The following UBL7 variants were observed in gnomAD, a reference collection of about 807,000 sequenced individuals.
UBL7 encodes ubiquitin like 7.
In UBL7, 21 loss-of-function variants were observed where a neutral mutation model predicts 41.7. The ratio of observed to expected loss-of-function variants is 0.50; its 90% confidence interval spans 0.36 to 0.73. UBL7 has a LOEUF of 0.73. UBL7 is among the 30% of genes least tolerant of loss of function. UBL7 has a pLI of 0.00. For synonymous variants in UBL7, 157 were observed against 186.9 expected, an observed-to-expected ratio of 0.84 and a Z score of 1.31; for missense variants, 403 against 478.4, an observed-to-expected ratio of 0.84 and a Z score of 1.47.
chr15:74,454,661 G>A (rs1045374228), intron 3 of UBL7, among the ~76,000 whole-genome samples: 3 of 152,124 alleles, frequency 2.0e-5, no homozygotes, highest in Admixed American at 6.5e-5. Flanking sequence ...GCCTCCCAAA[G>A]TTCTGGGATT....
intron 1 of UBL7, among the ~76,000 whole-genome samples, chr15:74,459,683 G>A (rs887985066): frequency 6.6e-5 from 10 of 151,640 alleles, no homozygotes; most frequent in Non-Finnish European, 1.5e-4. Flanking sequence ...TTCCAATGTC[G>A]GGCTGGGCGC....
chr15:74,448,706 T>G, intron 9 of UBL7, 106 bp from the exon 10 acceptor site: 1 of 1,487,776 alleles, frequency 6.7e-7, no homozygotes. Context: ...GTACCCAACT[T>G]CTGCCTCCCA....
intron 4 of UBL7, among the ~76,000 whole-genome samples, chr15:74,451,843 A>G (rs182846550): frequency 5.5e-4 from 84 of 152,308 alleles, no homozygotes; most frequent in Admixed American, 1.2e-3. Context: ...CTAGGTTCCA[A>G]TCCAAAAGTC....
At chr15:74,459,932 C>CA (rs55846825) in intron 1 of UBL7, among the ~76,000 whole-genome samples, 1,112 of 18,246 alleles carry the variant, frequency 0.061, 318 homozygotes, top group Middle Eastern at 0.11. Flanking sequence ...GACTCTGTCG[C>CA]AAAAAAAAAA....
intron 5 of UBL7, 78 bp downstream of exon 5, chr15:74,451,358 C>T: frequency 1.6e-6 from 2 of 1,268,910 alleles, no homozygotes; most frequent in East Asian, 4.6e-5. Flanking sequence ...TAGTCCAAGT[C>T]TCTTTAGAGG....
Position 74,456,683 on chromosome 15 carries a change from A to G in UBL7, c.185-12T>C. The G allele has an allele frequency of 6.2e-7, 1 of 1,609,140 alleles. No homozygotes were observed. The highest frequency in any genetic ancestry group is 8.5e-7 in the Non-Finnish European group (1 of 1,176,478). The stretch of plus-strand genomic sequence containing the variant: ...ACAGTAGATCAGATCTAAAAAAAGA[A>G]CTGTCCACTTATATTTTGCTCCTCA... On this transcript the variant is annotated splice_polypyrimidine_tract_variant and intron_variant, in intron 2 of 10. Coordinates refer to ENST00000395081, the MANE Select transcript of UBL7 (RefSeq NM_032907.5).
intron 5 of UBL7, among the ~76,000 whole-genome samples, chr15:74,451,124 C>T (rs368071838): frequency 6.6e-6 from 1 of 152,186 alleles, no homozygotes. Context: ...CTCTTTCTCC[C>T]GTATCTCTGG....
chr15:74,452,191 T>G (rs2061253781), intron 4 of UBL7, 105 bp downstream of exon 4: 1 of 1,226,302 alleles, frequency 8.2e-7, no homozygotes, highest in Admixed American at 2.2e-5. Flanking sequence ...AAGGAACTCT[T>G]GGTTGCCATG....
intron 3 of UBL7, 34 bp from the exon 4 acceptor site, chr15:74,452,412 C>T (rs374732095): frequency 3.7e-5 from 57 of 1,547,996 alleles, no homozygotes; most frequent in African/African-American, 2.6e-4. Flanking sequence ...TACCCTATAG[C>T]GCAGGTCCTG....
chr15:74,453,281 T>C lies in UBL7; in HGVS notation c.305-903A>G, dbSNP rs564265865. On this transcript the variant is annotated intron_variant, in intron 3 of 10. Transcript: ENST00000395081. ...CCATGCCTGGCTTTAGGCAAGGAACTAGAATATGAAAAATAAGAACCCCTG... is the reference window on the plus strand; with the variant it reads ...CCATGCCTGGCTTTAGGCAAGGAACCAGAATATGAAAAATAAGAACCCCTG... Among the ~76,000 whole-genome samples, 12 of 152,230 alleles carry C rather than the reference T, an allele frequency of 7.9e-5. No individual in the cohort carries two copies. In the East Asian group the frequency reaches 2.1e-3, roughly 27 times the overall value.
intron 1 of UBL7, among the ~76,000 whole-genome samples, chr15:74,460,372 C>G (rs939621425): frequency 1.3e-5 from 2 of 152,112 alleles, no homozygotes; most frequent in African/African-American, 4.8e-5. Flanking sequence ...GAGCCCTACC[C>G]CTGCAAAGGA....
chr15:74,454,320 T>C (rs914930418), intron 3 of UBL7, among the ~76,000 whole-genome samples: 1 of 152,156 alleles, frequency 6.6e-6, no homozygotes, highest in Non-Finnish European at 1.5e-5. Flanking sequence ...TTTAAACAAG[T>C]TGGGTTTACT....
At chr15:74,450,164 C>T in intron 6 of UBL7, 95 bp from the exon 7 acceptor site, 1 of 1,387,964 alleles carries the variant, frequency 7.2e-7, no homozygotes, top group Non-Finnish European at 9.6e-7. Flanking sequence ...ACAATGCAGC[C>T]ACCTGTGCCT....
At position 74,449,608 on chromosome 15, in the gene UBL7, G is replaced by C. The variant is rs778077082; in HGVS notation, c.714+18C>G. 6.2e-7 allele frequency: 1 copy of C among 1,614,084 alleles called. No homozygotes were observed. Among genetic ancestry groups the C allele is most frequent in the East Asian group, 2.2e-5 (1 of 44,878 alleles). The stretch of plus-strand genomic sequence containing the variant: ...CCCCCACATGTCAGCATGTCAGGCA[G>C]GCAGGCAGGCCACTTACTGGGTGAA... On this transcript the variant is annotated intron_variant, in intron 8 of 10. Transcript: ENST00000395081.
chr15:74,450,413 G>A (rs2061232071), intron 6 of UBL7, among the ~76,000 whole-genome samples: 1 of 151,918 alleles, frequency 6.6e-6, no homozygotes. Flanking sequence ...CCCTGGACTG[G>A]TCCCTTCTCT....
At chr15:74,448,445 C>T (rs572470084) in intron 10 of UBL7, 33 bp downstream of exon 10, 2 of 1,611,576 alleles carry the variant, frequency 1.2e-6, no homozygotes, top group South Asian at 2.2e-5. Context: ...AACAAGGAAG[C>T]CACATGGAAA....
chr15:74,459,044 G>C, intron 1 of UBL7, 148 bp from the exon 2 acceptor site: 2 of 702,528 alleles, frequency 2.8e-6, no homozygotes, highest in Admixed American at 2.8e-5. Flanking sequence ...ACTAGAATCT[G>C]GGGTTCTCTC....
chr15:74,452,786 G>A (rs777146598), intron 3 of UBL7, among the ~76,000 whole-genome samples: 2 of 151,966 alleles, frequency 1.3e-5, no homozygotes, highest in Admixed American at 6.6e-5. Context: ...ATCTCGGCTC[G>A]CTGCAACCTC....
In UBL7 at chr15:74,449,508, C is replaced by T. The variant is rs2061220429; in HGVS notation, c.714+118G>A. 7.7e-6 allele frequency: 12 copies of T among 1,564,794 alleles called. No homozygotes were observed. The South Asian group carries it at 1.4e-4, about 18-fold the overall frequency. ...GAAATAGTATGACATGGTCTTGGCC[C>T]CCCAATGGCGTATGTCCATCTCCCA... On this transcript the variant is annotated intron_variant, in intron 8 of 10. Transcript: ENST00000395081.
Sources: allele counts gnomAD v4.1 joint callset (sites outside exome capture counted in the v4.1 genomes callset), GRCh38; gene constraint gnomAD v4.1.1; transcripts MANE v1.5; gene names NCBI Gene and HGNC (gene_info 2026-07-23, HGNC 2026-07-21).